The following SLC12A3 variants were observed in gnomAD, a reference collection of about 807,000 sequenced individuals.
The protein encoded by SLC12A3 is solute carrier family 12 member 3, also known as Na-Cl cotransporter.
SLC12A3 carries 104 observed loss-of-function variants against 121.0 expected under a neutral mutation model. The observed-to-expected ratio is 0.86, with a 90% confidence interval of 0.73 to 1.01. The LOEUF (loss-of-function observed/expected upper bound fraction) is 1.01, where lower values mean the gene tolerates loss of function less well. Ranked by LOEUF, SLC12A3 falls within the 50% of genes least tolerant of loss-of-function variation. SLC12A3 has a pLI of 0.00. For synonymous variants in SLC12A3, 536 were observed against 533.4 expected (o/e 1.00, Z -0.07); for missense variants, 1,328 against 1,356.3 (o/e 0.98, Z 0.33).
Position 56,872,856 on chromosome 16 carries a change from G to A in SLC12A3, c.1095+70G>A, listed in dbSNP as rs545616804. Reference sequence around the variant, plus strand: ...GGCTATGAGCAGAATCCTGCCCCCTGCTCTAGTGGCATCTGCCGCTGACCT... The same window carrying A: ...GGCTATGAGCAGAATCCTGCCCCCTACTCTAGTGGCATCTGCCGCTGACCT... On this transcript the variant is annotated intron_variant, in intron 8 of 25. Transcript: ENST00000563236. 114 of 1,597,684 alleles carry A rather than the reference G, an allele frequency of 7.1e-5. No homozygotes were observed. In the African/African-American group the frequency reaches 1.4e-3, roughly 20 times the overall value.
chr16:56,907,598 G>A (rs1233922428), intron 25 of SLC12A3, among the ~76,000 whole-genome samples: 1 of 152,188 alleles, frequency 6.6e-6, no homozygotes, highest in Non-Finnish European at 1.5e-5. Context: ...CTAGAGGCTG[G>A]GAAGTCCTAG....
At chr16:56,895,192 ATTT>A (rs34438029) in intron 22 of SLC12A3, among the ~76,000 whole-genome samples, 1 of 126,662 alleles carries the variant, frequency 7.9e-6, no homozygotes, top group Non-Finnish European at 1.6e-5. Flanking sequence ...ATATATTTTA[ATTT>A]TTTTTTTTTT....
chr16:56,887,794 ATATATTTTTTTT>A lies in SLC12A3; in HGVS notation c.2179-129_2179-118del, dbSNP rs1416930797. The A allele has an allele frequency of 4.9e-5, 5 of 102,700 alleles. No individual in the cohort carries two copies. The East Asian group carries it at 1.1e-3, about 22-fold the overall frequency. 6.4% of individuals were successfully genotyped at this position (102,700 alleles called of 1,614,324 possible). On this transcript the variant is annotated intron_variant, in intron 17 of 25. Coordinates refer to ENST00000563236, the MANE Select transcript of SLC12A3 (RefSeq NM_001126108.2). ...AGATTATATATATATATATATATATATATATTTTTTTTTTTTTTTTTTTTGAGAATCAGCACA... is the reference window on the plus strand; with the variant it reads ...AGATTATATATATATATATATATATATTTTTTTTTTTTGAGAATCAGCACA...
chr16:56,892,696 G>A (rs2055405499), intron 20 of SLC12A3, among the ~76,000 whole-genome samples: 1 of 152,180 alleles, frequency 6.6e-6, no homozygotes, highest in Admixed American at 6.5e-5. Flanking sequence ...TTAAGGGAAT[G>A]GAGAGTGCAC....
intron 10 of SLC12A3, 113 bp downstream of exon 10, chr16:56,879,340 T>C: frequency 7.1e-7 from 1 of 1,414,042 alleles, no homozygotes; most frequent in Non-Finnish European, 9.8e-7. Context: ...GGTTGAGGCC[T>C]AGGCTTAGGA....
At chr16:56,902,160 G>A (rs967834009) in intron 23 of SLC12A3, 8 of 609,584 alleles carry the variant, frequency 1.3e-5, no homozygotes, top group Non-Finnish European at 2.4e-5. Context: ...CAGGTCAGTG[G>A]TTGTGGGCAA....
intron 21 of SLC12A3, among the ~76,000 whole-genome samples, chr16:56,894,206 T>C (rs1199474540): frequency 6.6e-6 from 1 of 152,106 alleles, no homozygotes; most frequent in African/African-American, 2.4e-5. Flanking sequence ...GGTTTTACCA[T>C]GTTGGCCAGG....
intron 25 of SLC12A3, among the ~76,000 whole-genome samples, chr16:56,905,465 A>T (rs1382273775): frequency 2.6e-5 from 4 of 152,016 alleles, no homozygotes; most frequent in Non-Finnish European, 5.9e-5. Context: ...CCTGGGGGCC[A>T]ACCACCTGGG....
At chr16:56,867,339 A>G in intron 2 of SLC12A3, 123 bp downstream of exon 2, 1 of 968,616 alleles carries the variant, frequency 1.0e-6, no homozygotes, top group South Asian at 1.6e-5. Flanking sequence ...TGTACAATGA[A>G]TTCAATGAGT....
At chr16:56,870,292 C>T (rs1287406441) in intron 5 of SLC12A3, 57 bp downstream of exon 5, 4 of 1,572,178 alleles carry the variant, frequency 2.5e-6, no homozygotes, top group East Asian at 4.6e-5. Context: ...ATTGCACTCT[C>T]CTCCGCCCCA....
intron 25 of SLC12A3, among the ~76,000 whole-genome samples, chr16:56,905,764 A>C (rs1198667833): frequency 6.6e-6 from 1 of 152,186 alleles, no homozygotes; most frequent in Non-Finnish European, 1.5e-5. Flanking sequence ...TTTTTTAAAA[A>C]ATCTCACAGT....
At position 56,914,129 on chromosome 16, in the gene SLC12A3, G is replaced by A. The variant is rs1160951608; in HGVS notation, c.*724G>A. ...TCACCATGTTGACCAGGCTGGTGTT[G>A]AGCTCCTGACCTCAGGTGATCCACC... On this transcript the variant is annotated 3_prime_UTR_variant, in exon 26 of 26. Coordinates refer to ENST00000563236, the MANE Select transcript of SLC12A3 (RefSeq NM_001126108.2). 1 of 152,216 alleles carries A rather than the reference G, an allele frequency of 6.6e-6. No homozygotes were observed. The highest frequency in any genetic ancestry group is 1.5e-5 in the Non-Finnish European group (1 of 68,094). 9.4% of individuals were successfully genotyped at this position (152,216 alleles called of 1,614,324 possible). A position where few individuals can be genotyped will look rare whatever the true frequency, so the allele number is the denominator to read the frequency against.
chr16:56,876,883 G>A (rs1267588358), intron 8 of SLC12A3, among the ~76,000 whole-genome samples: 1 of 152,228 alleles, frequency 6.6e-6, no homozygotes, highest in East Asian at 1.9e-4. Flanking sequence ...ATCCCAGCCT[G>A]TGTTGCTGCA....
rs1033596002 is a variant in SLC12A3 at position 56,884,057 on chromosome 16, C to A, written c.1678C>A (p.Pro560Thr). The A allele has an allele frequency of 2.5e-6, 4 of 1,614,176 alleles. No homozygotes were observed. Among genetic ancestry groups the A allele is most frequent in the South Asian group, 2.2e-5 (2 of 91,082 alleles). The change falls in exon 14 of 26, where the codon CCT (proline) becomes ACT (threonine). Residue 560 changes from proline (P) to threonine (T), a missense_variant. Physicochemically the swap from Pro to Thr is conservative, Grantham distance 38. Coordinates refer to ENST00000563236, the MANE Select transcript of SLC12A3 (RefSeq NM_001126108.2). The part of the protein sequence containing the change: ...ASITNSPGWR[P>T]SFQYYNKWAA... ...TGGTGCCCTTGGCCCAGGGTGGAGA[C>A]CTTCATTCCAATACTACAACAAGTG... is the stretch of plus-strand genomic sequence containing the variant.
At chr16:56,865,663 G>A in intron 1 of SLC12A3, 146 bp downstream of exon 1, 2 of 904,780 alleles carry the variant, frequency 2.2e-6, no homozygotes, top group East Asian at 5.2e-5. Context: ...CAGTGAAATA[G>A]TGGAGCTGCA....
intron 8 of SLC12A3, among the ~76,000 whole-genome samples, chr16:56,877,825 C>T (rs1341448921): frequency 6.6e-6 from 1 of 152,234 alleles, no homozygotes. Flanking sequence ...TTCCCAGGGC[C>T]TTGGGTGGAG....
intron 22 of SLC12A3, among the ~76,000 whole-genome samples, chr16:56,896,975 C>T (rs192095135): frequency 6.6e-6 from 1 of 151,832 alleles, no homozygotes; most frequent in Non-Finnish European, 1.5e-5. Context: ...GCCTGCAGTC[C>T]CAACTACTCA....
Position 56,880,239 on chromosome 16 carries a change from C to T in SLC12A3, c.1553C>T (p.Ala518Val). 1 of 1,582,674 alleles carries T rather than the reference C, an allele frequency of 6.3e-7. No individual in the cohort carries two copies. Among genetic ancestry groups the T allele is most frequent in the Admixed American group, 1.8e-5 (1 of 55,084 alleles). Reference sequence around the variant, plus strand: ...CTGCTGGCCTACGCCATCGCTGTGGCCTTCATCATCATCGGTAAGGCTCTG... The same window carrying T: ...CTGCTGGCCTACGCCATCGCTGTGGTCTTCATCATCATCGGTAAGGCTCTG... ...GYLLAYAIAVAFIIIAELNTI... is the reference protein window; with the variant it reads ...GYLLAYAIAVVFIIIAELNTI... Residue 518 changes from alanine (A) to valine (V), a missense_variant, in exon 12 of 26, where the codon GCC becomes GTC. Coordinates refer to ENST00000563236, the MANE Select transcript of SLC12A3 (RefSeq NM_001126108.2).
In SLC12A3 at chr16:56,908,966, C is replaced by T. The variant is rs114386597; in HGVS notation, c.2925-4298C>T. ...GCCTCTGTTCAGAGAGGCATGTGTG[C>T]ATTTTGTCTATGCGATTAGCCCACT... is the stretch of plus-strand genomic sequence containing the variant. On this transcript the variant is annotated intron_variant, in intron 25 of 25. Coordinates refer to ENST00000563236, the MANE Select transcript of SLC12A3 (RefSeq NM_001126108.2). Among the ~76,000 whole-genome samples, 1,015 of 152,336 alleles carry T rather than the reference C, an allele frequency of 6.7e-3. 13 individuals carry two copies. The highest frequency in any genetic ancestry group is 0.023 in the African/African-American group (952 of 41,578).
Sources: gnomAD v4.1 joint callset for allele counts (sites outside exome capture counted in the v4.1 genomes callset) on GRCh38, gnomAD v4.1.1 for gene constraint, MANE v1.5 for transcripts, NCBI Gene and HGNC (gene_info 2026-07-23, HGNC 2026-07-21) for gene names.